The following PROZ variants were observed in gnomAD, a reference collection of about 807,000 sequenced individuals.
PROZ encodes the protein protein Z, vitamin K dependent plasma glycoprotein, also known as vitamin K-dependent protein Z.
A neutral mutation model predicts 34.9 loss-of-function variants in PROZ; 46 were observed. That is an observed-to-expected ratio of 1.32 (90% CI 1.04 to 1.69). The LOEUF (loss-of-function observed/expected upper bound fraction) is 1.69. Ranked by LOEUF, PROZ falls within the 40% of genes most tolerant of loss-of-function variation. The pLI, the probability that PROZ is intolerant of heterozygous loss-of-function variation, is 0.00. For synonymous variants in PROZ, 195 were observed against 208.5 expected, an observed-to-expected ratio of 0.94 and a Z score of 0.56; for missense variants, 530 against 520.4, an observed-to-expected ratio of 1.02 and a Z score of -0.18.
At position 113,159,293 on chromosome 13, in the gene PROZ, G is replaced by A; in HGVS notation, c.70+563G>A. ...AGTCAAAACACCCAGCATCCCCGCT[G>A]GCCCCATGGTCTCCCGCTGGCCCCA... On this transcript the variant is annotated intron_variant, in intron 1 of 7. Transcript: ENST00000375547. The surrounding 1 kb of genome is among the most constrained non-coding windows in gnomAD (Gnocchi z 4.6). The A allele has an allele frequency of 6.6e-7, 1 of 1,524,832 alleles. No homozygotes were observed. Among genetic ancestry groups the A allele is most frequent in the South Asian group, 1.2e-5 (1 of 83,254 alleles). 94.5% of individuals were successfully genotyped at this position (1,524,832 alleles called of 1,614,324 possible). A position where few individuals can be genotyped will look rare whatever the true frequency, so the allele number is the denominator to read the frequency against.
chr13:113,169,758 A>C (rs2037054016), intron 6 of PROZ, among the ~76,000 whole-genome samples: 1 of 152,216 alleles, frequency 6.6e-6, no homozygotes, highest in Non-Finnish European at 1.5e-5. Context: ...AGCTTGTGTG[A>C]GTGTCTAGCA....
At chr13:113,160,833 A>G in intron 2 of PROZ, 115 bp from the exon 3 acceptor site, 2 of 897,932 alleles carry the variant, frequency 2.2e-6, no homozygotes, top group South Asian at 2.8e-5. Context: ...TTCAACCACT[A>G]TTGTCCTATT....
rs989226655 is a variant in PROZ, at chr13:113,159,397, C to G, written c.71-617C>G. 40 of 939,618 alleles carry G rather than the reference C, an allele frequency of 4.3e-5. No homozygotes were observed. Among genetic ancestry groups the G allele is most frequent in the Admixed American group, 1.1e-4 (5 of 46,646 alleles). 58.2% of individuals were successfully genotyped at this position (939,618 alleles called of 1,614,324 possible). A position where few individuals can be genotyped will look rare whatever the true frequency, so the allele number is the denominator to read the frequency against. ...CCGTAGCCGGACTTAGCTGAGCCCC[C>G]CCTGCTGTAACCCTCAGCACCGAGA... On this transcript the variant is annotated intron_variant, in intron 1 of 7. Transcript: ENST00000375547. The surrounding 1 kb of genome is among the most constrained non-coding windows in gnomAD (Gnocchi z 4.6).
In PROZ at chr13:113,164,635, G is replaced by GCAC; in HGVS notation, c.496_497insCAC (p.Val166delinsAlaLeu). ...GCTTGGTGAGGACCACAAACAGTGT[G>GCAC]TGCCCCACGGTGAGTGCTCAGACCA... On this transcript the variant is annotated protein_altering_variant, in exon 5 of 8. Transcript: ENST00000375547. The GCAC allele has an allele frequency of 6.2e-7, 1 of 1,613,678 alleles. No individual in the cohort carries two copies. The highest frequency in any genetic ancestry group is 1.1e-5 in the South Asian group (1 of 91,068).
chr13:113,166,205 A>T (rs1193280315), intron 6 of PROZ: 2 of 152,246 alleles, frequency 1.3e-5, no homozygotes, highest in South Asian at 2.1e-4. Flanking sequence ...AGCCACAATA[A>T]TGTAAGTAAA....
intron 2 of PROZ, 67 bp downstream of exon 2, chr13:113,160,244 C>T: frequency 6.4e-7 from 1 of 1,559,364 alleles, no homozygotes; most frequent in Non-Finnish European, 8.8e-7. Flanking sequence ...CAGGGAGCAT[C>T]ATTTCTCAGA....
intron 4 of PROZ, among the ~76,000 whole-genome samples, chr13:113,163,388 C>A (rs907486444): frequency 3.3e-5 from 5 of 152,180 alleles, no homozygotes; most frequent in East Asian, 1.9e-4. Context: ...CTCCCCCCAC[C>A]ACCTCAACCA....
At position 113,159,546 on chromosome 13, in the gene PROZ, T is replaced by C. The variant is rs1180979012; in HGVS notation, c.71-468T>C. 1.3e-5 allele frequency among the ~76,000 whole-genome samples: 2 copies of C among 152,210 alleles called. No homozygotes were observed. The highest frequency in any genetic ancestry group is 4.8e-5 in the African/African-American group (2 of 41,442). On this transcript the variant is annotated intron_variant, in intron 1 of 7. Coordinates refer to ENST00000375547, the MANE Select transcript of PROZ (RefSeq NM_003891.3). This position sits in a 1 kb window ranked among gnomAD's most constrained non-coding sequence, Gnocchi z 4.6. ...ACTGCCGCGGGTCAACTCATTTGCC[T>C]TCTCCTCCTGGAAATCGCAGAGCCT...
intron 3 of PROZ, 118 bp from the exon 4 acceptor site, chr13:113,162,891 A>ACCCC: frequency 1.2e-4 from 34 of 284,600 alleles, no homozygotes; most frequent in South Asian, 2.2e-4. Context: ...CCCTGCTGCC[A>ACCCC]CCCCCCACTC....
rs2036734338 is a variant in PROZ, at chr13:113,160,054, G to A, written c.111G>A (p.Arg37=). The change falls in exon 2 of 8, where the codon AGG becomes AGA. Residue 37 remains arginine, a synonymous_variant. Coordinates refer to ENST00000375547, the MANE Select transcript of PROZ (RefSeq NM_003891.3). ...CCAAAGCAAACGACGTTCTGGTGAG[G>A]TGGAAGCGTGCGGGCTCCTATCTTC... ...PASKANDVLV[R]WKRAGSYLLE... The A allele has an allele frequency of 1.9e-6, 3 of 1,614,216 alleles. No homozygotes were observed. The highest frequency in any genetic ancestry group is 2.5e-6 in the Non-Finnish European group (3 of 1,180,038).
In PROZ at chr13:113,171,520, T is replaced by G; in HGVS notation, c.692-74T>G. 2.5e-6 allele frequency: 4 copies of G among 1,597,476 alleles called. No homozygotes were observed. The highest frequency in any genetic ancestry group is 3.4e-6 in the Non-Finnish European group (4 of 1,171,090). Reference sequence around the variant, plus strand: ...GTCTCTCCCTCCTCACGTGGCTCCCTGAGAAGCTCGTTTGAGCATTATGTC... The same window carrying G: ...GTCTCTCCCTCCTCACGTGGCTCCCGGAGAAGCTCGTTTGAGCATTATGTC... On this transcript the variant is annotated intron_variant, in intron 7 of 7. Transcript: ENST00000375547. The surrounding 1 kb of genome is among the most constrained non-coding windows in gnomAD (Gnocchi z 5.1).
chr13:113,160,034 G>A lies in PROZ; in HGVS notation c.91G>A (p.Ala31Thr). The A allele has an allele frequency of 6.2e-7, 1 of 1,614,174 alleles. No homozygotes were observed. The highest frequency in any genetic ancestry group is 1.1e-5 in the South Asian group (1 of 91,080). Residue 31 changes from alanine (A) to threonine (T), a missense_variant, in exon 2 of 8, where the codon GCA becomes ACA. Transcript: ENST00000375547. ...TGTAGTATTTCTCCCGGCCTCCAAA[G>A]CAAACGACGTTCTGGTGAGGTGGAA... ...EPSVFLPASK[A>T]NDVLVRWKRA...
chr13:113,163,430 C>T (rs2036811326), intron 4 of PROZ, among the ~76,000 whole-genome samples: 1 of 152,154 alleles, frequency 6.6e-6, no homozygotes, highest in Non-Finnish European at 1.5e-5. Context: ...GGGGGGGTCA[C>T]ACACAGGCGT....
In PROZ at chr13:113,158,794, G is replaced by A. The variant is rs2138570376; in HGVS notation, c.70+64G>A. On this transcript the variant is annotated intron_variant, in intron 1 of 7. Transcript: ENST00000375547. The surrounding 1 kb of genome is among the most constrained non-coding windows in gnomAD (Gnocchi z 4.3). ...TGTCTTTCTTGACTCGGTCCATGGTGGATTTGTAGATGAGGCTTTTTCCAG... is the reference window on the plus strand; with the variant it reads ...TGTCTTTCTTGACTCGGTCCATGGTAGATTTGTAGATGAGGCTTTTTCCAG... 3 of 1,487,386 alleles carry A rather than the reference G, an allele frequency of 2.0e-6. No individual in the cohort carries two copies. Among genetic ancestry groups the A allele is most frequent in the East Asian group, 2.4e-5 (1 of 40,908 alleles). 92.1% of individuals were successfully genotyped at this position (1,487,386 alleles called of 1,614,324 possible).
Position 113,159,334 on chromosome 13 carries a change from A to G in PROZ, c.70+604A>G. 1 of 1,435,680 alleles carries G rather than the reference A, an allele frequency of 7.0e-7. No homozygotes were observed. The highest frequency in any genetic ancestry group is 9.6e-7 in the Non-Finnish European group (1 of 1,043,230). The allele number at this position is 1,435,680 out of a possible 1,614,324, so 88.9% of individuals were successfully genotyped here. A position where few individuals can be genotyped will look rare whatever the true frequency, so the allele number is the denominator to read the frequency against. ...GCTGGCCCCATGGTCTCCCACCCTGAGAGGGTGATCCCCCCGCCCTGCCCT... is the reference window on the plus strand; with the variant it reads ...GCTGGCCCCATGGTCTCCCACCCTGGGAGGGTGATCCCCCCGCCCTGCCCT... On this transcript the variant is annotated intron_variant, in intron 1 of 7. Coordinates refer to ENST00000375547, the MANE Select transcript of PROZ (RefSeq NM_003891.3). The surrounding 1 kb of genome is among the most constrained non-coding windows in gnomAD (Gnocchi z 4.6).
Position 113,165,810 on chromosome 13 carries a change from C to T in PROZ, c.573+690C>T, listed in dbSNP as rs74757012. On this transcript the variant is annotated intron_variant, in intron 6 of 7. Coordinates refer to ENST00000375547, the MANE Select transcript of PROZ (RefSeq NM_003891.3). ...CCTCCCAAAGTGCTGGGATTACAGG[C>T]GTGAGCCACCACGCCTGGCCTCATC... is the stretch of plus-strand genomic sequence containing the variant. Among the ~76,000 whole-genome samples the T allele has an allele frequency of 0.016, 2,478 of 152,236 alleles. 176 individuals are homozygous for T. The East Asian group carries it at 0.22, about 14-fold the overall frequency.
chr13:113,171,508 C>A lies in PROZ; in HGVS notation c.692-86C>A. 6.4e-7 allele frequency: 1 copy of A among 1,565,158 alleles called. No homozygotes were observed. Among genetic ancestry groups the A allele is most frequent in the Non-Finnish European group, 8.7e-7 (1 of 1,147,644 alleles). ...CCTCCAGGGCCGGTCTCTCCCTCCTCACGTGGCTCCCTGAGAAGCTCGTTT... is the reference window on the plus strand; with the variant it reads ...CCTCCAGGGCCGGTCTCTCCCTCCTAACGTGGCTCCCTGAGAAGCTCGTTT... On this transcript the variant is annotated intron_variant, in intron 7 of 7. Transcript: ENST00000375547. This position sits in a 1 kb window ranked among gnomAD's most constrained non-coding sequence, Gnocchi z 5.1.
intron 5 of PROZ, 120 bp downstream of exon 5, chr13:113,164,764 C>A: frequency 1.4e-6 from 2 of 1,467,078 alleles, no homozygotes; most frequent in Non-Finnish European, 1.9e-6. Flanking sequence ...TGCCACGACT[C>A]AGAAGGTGGT....
intron 6 of PROZ, among the ~76,000 whole-genome samples, chr13:113,166,840 C>A (rs1425452534): frequency 6.6e-6 from 1 of 152,138 alleles, no homozygotes; most frequent in Non-Finnish European, 1.5e-5. Flanking sequence ...CAGGCTGTCT[C>A]CAGCTTCCCA....
Sources: gnomAD v4.1 joint callset for allele counts (sites outside exome capture counted in the v4.1 genomes callset) on GRCh38, gnomAD v4.1.1 for gene constraint, Gnocchi (gnomAD v3.1) non-coding constraint, MANE v1.5 for transcripts, NCBI Gene and HGNC (gene_info 2026-07-23, HGNC 2026-07-21) for gene names.